Variants in OR1J2 observed in about 807,000 individuals in gnomAD.
The protein encoded by OR1J2 is olfactory receptor family 1 subfamily J member 2.
For synonymous variants in OR1J2, 142 were observed against 99.7 expected (o/e 1.42, Z -2.52); for missense variants, 304 against 246.1 (o/e 1.24, Z -1.57).
chr9:122,522,232 T>C, the OR1J2 span, among the ~76,000 whole-genome samples: 1 of 152,328 alleles, frequency 6.6e-6, no homozygotes, highest in African/African-American at 2.4e-5. Context: ...TTTCACAAGT[T>C]AACAAATAGT....
chr9:122,509,083 G>T (rs575936364), upstream of OR1J2, among the ~76,000 whole-genome samples: 1 of 152,204 alleles, frequency 6.6e-6, no homozygotes, highest in African/African-American at 2.4e-5. Context: ...ATCACACTGG[G>T]CCAACCCAGA....
At chr9:122,506,339 G>T (rs1413811623), upstream of OR1J2, among the ~76,000 whole-genome samples, 6 of 152,242 alleles carry the variant, frequency 3.9e-5, no homozygotes, top group Middle Eastern at 6.8e-3. Context: ...GAATCAAGGG[G>T]AAAATTGGAC....
chr9:122,578,736 T>C, the OR1J2 span, among the ~76,000 whole-genome samples: 2 of 152,098 alleles, frequency 1.3e-5, no homozygotes, highest in Non-Finnish European at 2.9e-5. Flanking sequence ...ATGTTCTCAC[T>C]CATAAGTAGG....
chr9:122,527,381 T>G, the OR1J2 span: 2 of 713,408 alleles, frequency 2.8e-6, no homozygotes, highest in Non-Finnish European at 4.7e-6. Flanking sequence ...AATCTCCCTT[T>G]AAGTTCATTA....
the OR1J2 span, among the ~76,000 whole-genome samples, chr9:122,579,433 C>G: frequency 6.6e-6 from 1 of 152,112 alleles, no homozygotes; most frequent in African/African-American, 2.4e-5. Flanking sequence ...CGCTCTTTCT[C>G]TCCTTTAAGA....
At chr9:122,566,561 A>G in the OR1J2 span, among the ~76,000 whole-genome samples, 1 of 152,314 alleles carries the variant, frequency 6.6e-6, no homozygotes, top group African/African-American at 2.4e-5. Flanking sequence ...CATGCTGCAT[A>G]TAGTTACACT....
At position 122,511,304 on chromosome 9, in the gene OR1J2, TC is replaced by T. The variant is rs1266367934; in HGVS notation, c.504del (p.Cys169ValfsTer34). ...SHTLLLTRLS[F>X]CAANTIPHVF... The stretch of plus-strand genomic sequence containing the variant: ...ACCCTTCTCCTGACCCGGCTGTCTT[TC>T]TGTGCTGCGAACACCATCCCCCATG... On this transcript the variant is annotated frameshift_variant, in exon 1 of 1. Coordinates refer to ENST00000335302, the MANE Select transcript of OR1J2 (RefSeq NM_054107.1). LOFTEE classifies it low-confidence loss of function (END_TRUNC). 1 of 732,034 alleles carries T rather than the reference TC, an allele frequency of 1.4e-6. No individual in the cohort carries two copies. The highest frequency in any genetic ancestry group is 1.5e-5 in the South Asian group (1 of 64,692). 45.3% of individuals were successfully genotyped at this position (732,034 alleles called of 1,614,324 possible).
the OR1J2 span, chr9:122,520,150 T>G: frequency 7.7e-6 from 9 of 1,173,210 alleles, no homozygotes; most frequent in South Asian, 1.3e-4. Flanking sequence ...TTACTTCTGA[T>G]CCCAGCAAGG....
the OR1J2 span, chr9:122,519,638 G>A: frequency 6.2e-7 from 1 of 1,614,072 alleles, no homozygotes; most frequent in Non-Finnish European, 8.5e-7. Flanking sequence ...TGGCCCAGCT[G>A]TCCTTTTGTG....
the OR1J2 span, chr9:122,477,385 A>G: frequency 1.2e-6 from 2 of 1,614,142 alleles, no homozygotes; most frequent in Admixed American, 1.7e-5. Flanking sequence ...CAGGGCACCA[A>G]GGTCACAGAA....
chr9:122,458,791 G>T, the OR1J2 span, among the ~76,000 whole-genome samples: 1 of 151,996 alleles, frequency 6.6e-6, no homozygotes, highest in Non-Finnish European at 1.5e-5. Context: ...GTCAGTTTTT[G>T]GAAAACTGTC....
chr9:122,484,075 C>T, the OR1J2 span, among the ~76,000 whole-genome samples: 3 of 152,002 alleles, frequency 2.0e-5, no homozygotes, highest in Admixed American at 6.6e-5. Context: ...ATTGTGCCTT[C>T]CTCTGTTTTT....
chr9:122,570,371 T>G, the OR1J2 span, among the ~76,000 whole-genome samples: 34 of 152,374 alleles, frequency 2.2e-4, no homozygotes, highest in African/African-American at 7.0e-4. Flanking sequence ...CAGTATATTC[T>G]TTTACACATT....
chr9:122,520,160 G>A, the OR1J2 span: 1 of 1,033,264 alleles, frequency 9.7e-7, no homozygotes, highest in Non-Finnish European at 1.4e-6. Flanking sequence ...TCCCAGCAAG[G>A]GATAAGTGCT....
At chr9:122,553,630 G>A in the OR1J2 span, 1 of 1,614,028 alleles carries the variant, frequency 6.2e-7, no homozygotes. Flanking sequence ...ACATCTATGA[G>A]TCCCCAGCTC....
the OR1J2 span, among the ~76,000 whole-genome samples, chr9:122,547,279 G>A: frequency 1.3e-3 from 201 of 152,082 alleles, no homozygotes; most frequent in African/African-American, 4.7e-3. Flanking sequence ...GACATTCTGA[G>A]GTTAAAAATC....
the OR1J2 span, among the ~76,000 whole-genome samples, chr9:122,468,753 TC>T: frequency 6.6e-6 from 1 of 152,228 alleles, no homozygotes; most frequent in African/African-American, 2.4e-5. Flanking sequence ...TGTTTTTTCC[TC>T]ATGCCATGGA....
chr9:122,558,736 C>T, the OR1J2 span, among the ~76,000 whole-genome samples: 1,241 of 151,572 alleles, frequency 8.2e-3, 20 homozygotes, highest in African/African-American at 0.029. Flanking sequence ...ACAAATTTGT[C>T]CTTTAAGATT....
downstream of OR1J2, among the ~76,000 whole-genome samples, chr9:122,513,344 T>C (rs77623745): frequency 0.066 from 10,073 of 152,234 alleles, 420 homozygotes; most frequent in South Asian, 0.18. Context: ...TTGTGCATTT[T>C]GAAGGAGTTT....
Sources: allele counts gnomAD v4.1 joint callset (sites outside exome capture counted in the v4.1 genomes callset), GRCh38; gene constraint gnomAD v4.1.1; transcripts MANE v1.5; gene names NCBI Gene and HGNC (gene_info 2026-07-23, HGNC 2026-07-21).